The following SLC8A1 variants were observed in gnomAD, a reference collection of about 807,000 sequenced individuals.
The protein encoded by SLC8A1 is sodium/calcium exchanger 1.
SLC8A1 carries 18 observed loss-of-function variants against 68.3 expected under a neutral mutation model. The observed-to-expected ratio is 0.26, with a 90% confidence interval of 0.18 to 0.39. The LOEUF (loss-of-function observed/expected upper bound fraction) is 0.39. Among genes scored for constraint, SLC8A1 ranks in the 10% least tolerant of loss-of-function variants. The pLI is 1.00. For synonymous variants in SLC8A1, 475 were observed against 415.5 expected (o/e 1.14, Z -1.74); for missense variants, 985 against 1,156.7 (o/e 0.85, Z 2.15).
At chr2:40,489,202 C>A (rs1378618282) in intron 1 of SLC8A1, among the ~76,000 whole-genome samples, 1 of 152,078 alleles carries the variant, frequency 6.6e-6, no homozygotes, top group African/African-American at 2.4e-5. Flanking sequence ...ACATCGCTAG[C>A]AATTTATAAG....
chr2:40,497,358 T>C (rs1462606119), intron 1 of SLC8A1, among the ~76,000 whole-genome samples: 2 of 151,982 alleles, frequency 1.3e-5, no homozygotes, highest in African/African-American at 2.4e-5. Flanking sequence ...CCTGAGTATA[T>C]CAAGATAAGT....
chr2:40,135,563 C>A (rs755584818), intron 7 of SLC8A1, among the ~76,000 whole-genome samples: 14 of 152,004 alleles, frequency 9.2e-5, no homozygotes, highest in Admixed American at 2.0e-4. Flanking sequence ...ACTAAAAATA[C>A]AAAAATTAGC....
At chr2:40,447,205 A>G (rs1701605843) in intron 1 of SLC8A1, among the ~76,000 whole-genome samples, 1 of 152,344 alleles carries the variant, frequency 6.6e-6, no homozygotes, top group African/African-American at 2.4e-5. Flanking sequence ...GGGCATTAAT[A>G]CATATTGCAG....
At chr2:40,494,639 TAA>T (rs1491439354) in intron 1 of SLC8A1, among the ~76,000 whole-genome samples, 11 of 75,416 alleles carry the variant, frequency 1.5e-4, no homozygotes, top group African/African-American at 4.7e-4. Flanking sequence ...ACTTAAAGTA[TAA>T]TATATATATA....
intron 2 of SLC8A1, among the ~76,000 whole-genome samples, chr2:40,352,441 G>T (rs1326567963): frequency 6.6e-6 from 1 of 152,126 alleles, no homozygotes; most frequent in Non-Finnish European, 1.5e-5. Context: ...TCTATTCATT[G>T]TCCAAAGGCT....
At position 40,408,348 on chromosome 2, in the gene SLC8A1, T is replaced by C. The variant is rs185994435; in HGVS notation, c.1808+20125A>G. Among the ~76,000 whole-genome samples the C allele has an allele frequency of 5.3e-4, 80 of 152,334 alleles. 2 individuals are homozygous for C. The East Asian group carries it at 0.011, about 21-fold the overall frequency. On this transcript the variant is annotated intron_variant, in intron 2 of 7. Transcript: ENST00000406785. ...TTAACTTATCAACAGTTTGATAAAT[T>C]AGCTTAGACTGTGGATATCCTCACT... is the stretch of plus-strand genomic sequence containing the variant.
exon 8 of SLC8A1, chr2:40,104,406 G>C (rs1003838859): frequency 6.6e-6 from 1 of 152,162 alleles, no homozygotes; most frequent in Non-Finnish European, 1.5e-5. Flanking sequence ...CACAGGTCTT[G>C]GCTCATGGTA....
chr2:40,409,798 G>A (rs1442197862), intron 2 of SLC8A1, among the ~76,000 whole-genome samples: 1 of 152,138 alleles, frequency 6.6e-6, no homozygotes, highest in Admixed American at 6.6e-5. Context: ...AGAAAAGGCA[G>A]TGAGAATGTA....
exon 8 of SLC8A1, chr2:40,114,162 C>T (rs914241948): frequency 6.5e-6 from 1 of 152,850 alleles, no homozygotes; most frequent in South Asian, 2.1e-4. Context: ...TTGTTTTTCA[C>T]CATGCACTGT....
intron 2 of SLC8A1, among the ~76,000 whole-genome samples, chr2:40,201,663 T>C (rs1267400778): frequency 6.6e-6 from 1 of 151,900 alleles, no homozygotes; most frequent in Non-Finnish European, 1.5e-5. Flanking sequence ...ATGTAAACCA[T>C]GGCAGAGAGT....
At chr2:40,116,586 G>A (rs1230328595) in intron 7 of SLC8A1, among the ~76,000 whole-genome samples, 1 of 152,064 alleles carries the variant, frequency 6.6e-6, no homozygotes, top group Non-Finnish European at 1.5e-5. Flanking sequence ...TCTTGCGATA[G>A]TTTACTGAGA....
rs571358557 is a variant in SLC8A1 at position 40,321,218 on chromosome 2, T to G, written c.1808+107255A>C. ...ACAGCTGTATATTTTCCTTTTCACA[T>G]AATGACTTTAGCATCTCATGGACAA... On this transcript the variant is annotated intron_variant, in intron 2 of 7. Coordinates refer to ENST00000406785, the Ensembl canonical transcript of SLC8A1. Among the ~76,000 whole-genome samples the G allele has an allele frequency of 4.6e-5, 7 of 152,284 alleles. No homozygotes were observed. In the South Asian group the frequency reaches 1.0e-3, roughly 23 times the overall value.
At chr2:40,139,293 A>C in intron 7 of SLC8A1, 108 bp downstream of exon 10, 1 of 1,252,492 alleles carries the variant, frequency 8.0e-7, no homozygotes, top group Non-Finnish European at 1.1e-6. Flanking sequence ...CTCGTCTTTC[A>C]TAGGTCTTGG....
At chr2:40,349,438 A>T (rs1177654162) in intron 2 of SLC8A1, among the ~76,000 whole-genome samples, 1 of 152,212 alleles carries the variant, frequency 6.6e-6, no homozygotes. Context: ...AAGCAGAATA[A>T]AAGACTTTCT....
intron 2 of SLC8A1, among the ~76,000 whole-genome samples, chr2:40,297,228 A>G (rs1373152583): frequency 6.6e-6 from 1 of 152,192 alleles, no homozygotes; most frequent in Non-Finnish European, 1.5e-5. Flanking sequence ...TACATGTTCA[A>G]TAATAAATAT....
exon 2 of SLC8A1, chr2:40,430,044 A>T (rs749772040): frequency 6.2e-7 from 1 of 1,613,938 alleles, no homozygotes; most frequent in Non-Finnish European, 8.5e-7. Flanking sequence ...CAAAATACAC[A>T]GTAGCTCTAG....
At chr2:40,153,377 T>C (rs539528179) in intron 6 of SLC8A1, among the ~76,000 whole-genome samples, 21 of 152,308 alleles carry the variant, frequency 1.4e-4, no homozygotes, top group Non-Finnish European at 2.4e-4. Flanking sequence ...CCAGAATTCA[T>C]TGAACTCAAG....
chr2:40,465,384 T>C (rs1472520909), intron 1 of SLC8A1, among the ~76,000 whole-genome samples: 1 of 152,172 alleles, frequency 6.6e-6, no homozygotes, highest in African/African-American at 2.4e-5. Flanking sequence ...ACTGTGTATA[T>C]TGAAGAAAAA....
At chr2:40,314,288 C>G (rs966872598) in intron 2 of SLC8A1, among the ~76,000 whole-genome samples, 17 of 152,022 alleles carry the variant, frequency 1.1e-4, no homozygotes, top group Non-Finnish European at 1.5e-4. Context: ...ATAACAACAA[C>G]AACAAAATCC....
Sources: allele counts gnomAD v4.1 joint callset (sites outside exome capture counted in the v4.1 genomes callset), GRCh38; gene constraint gnomAD v4.1.1; transcripts MANE v1.5; gene names NCBI Gene and HGNC (gene_info 2026-07-23, HGNC 2026-07-21).